Variants in LMOD1 observed in about 807,000 individuals in gnomAD.
LMOD1 encodes leiomodin 1.
LMOD1 carries 8 observed loss-of-function variants against 36.5 expected under a neutral mutation model. That is an observed-to-expected ratio of 0.22 (90% CI 0.13 to 0.40). The LOEUF (loss-of-function observed/expected upper bound fraction) is 0.40, where lower values mean the gene tolerates loss of function less well. LMOD1 is among the 10% of genes least tolerant of loss of function. LMOD1 has a pLI of 1.00. For missense variants in LMOD1, 630 were observed against 751.1 expected (o/e 0.84, Z 1.88); for synonymous variants, 284 against 288.7 (o/e 0.98, Z 0.17).
chr1:201,930,409 C>T (rs900234738), intron 1 of LMOD1, among the ~76,000 whole-genome samples: 2 of 152,076 alleles, frequency 1.3e-5, no homozygotes, highest in African/African-American at 4.8e-5. Flanking sequence ...GAGGCAGAAA[C>T]AACAGGATCC....
At position 201,933,595 on chromosome 1, in the gene LMOD1, T is replaced by TTATATATATATATATATATATA. The variant is rs71141426; in HGVS notation, c.261+12463_261+12484dup. 3.1e-3 allele frequency among the ~76,000 whole-genome samples: 196 copies of TTATATATATATATATATATATA among 63,034 alleles called. 2 individuals carry two copies. Among genetic ancestry groups the TTATATATATATATATATATATA allele is most frequent in the South Asian group, 0.011 (22 of 2,038 alleles). The allele number at this position is 63,034 out of a possible 152,430, so 41.4% of individuals were successfully genotyped here. On this transcript the variant is annotated intron_variant, in intron 1 of 2. Coordinates refer to ENST00000367288, the MANE Select transcript of LMOD1 (RefSeq NM_012134.3). ...TTATATATGTACACATATACATACA[T>TTATATATATATATATATATATA]TATATATATATATATATATATATAT...
At chr1:201,942,863 T>G (rs1383249897) in intron 1 of LMOD1, among the ~76,000 whole-genome samples, 1 of 152,066 alleles carries the variant, frequency 6.6e-6, no homozygotes, top group African/African-American at 2.4e-5. Context: ...GCCAATAAAT[T>G]TTTCCCATAA....
intron 1 of LMOD1, among the ~76,000 whole-genome samples, chr1:201,942,262 G>C (rs1171471703): frequency 6.6e-6 from 1 of 152,226 alleles, no homozygotes; most frequent in African/African-American, 2.4e-5. Flanking sequence ...AGTCCCACAA[G>C]CTGGTGAGTG....
intron 1 of LMOD1, among the ~76,000 whole-genome samples, chr1:201,934,290 T>A (rs935521271): frequency 6.6e-6 from 1 of 152,208 alleles, no homozygotes; most frequent in Non-Finnish European, 1.5e-5. Flanking sequence ...CAGACCAGCC[T>A]ATGGCTGCCA....
At chr1:201,930,995 T>C (rs1270284008) in intron 1 of LMOD1, among the ~76,000 whole-genome samples, 1 of 152,210 alleles carries the variant, frequency 6.6e-6, no homozygotes, top group Admixed American at 6.5e-5. Flanking sequence ...CTGATGTCTG[T>C]GCAGTGCGGG....
rs748373402 is a variant in LMOD1 at position 201,899,579 on chromosome 1, C to G, written c.1434G>C (p.Arg478=). 2.5e-6 allele frequency: 4 copies of G among 1,613,074 alleles called. No individual in the cohort carries two copies. In the Admixed American group the frequency reaches 6.7e-5, roughly 27 times the overall value. ...SRNMDKQRQK[R]LQEQRQAQEA... The stretch of plus-strand genomic sequence containing the variant: ...CCTGTGCCTGCCTTTGCTCCTGCAG[C>G]CGCTTTTGTCTCTGCTTGTCCATGT... The change falls in exon 2 of 3, where the codon CGG becomes CGC. Residue 478 remains arginine, a synonymous_variant. Coordinates refer to ENST00000367288, the MANE Select transcript of LMOD1 (RefSeq NM_012134.3). The surrounding 1 kb of genome is among the most constrained non-coding windows in gnomAD (Gnocchi z 6.3).
At chr1:201,901,074 G>A (rs1349046823) in intron 1 of LMOD1, among the ~76,000 whole-genome samples, 1 of 152,184 alleles carries the variant, frequency 6.6e-6, no homozygotes, top group Non-Finnish European at 1.5e-5. Context: ...GGGTGATTTA[G>A]AAGGACTGCT....
intron 1 of LMOD1, among the ~76,000 whole-genome samples, chr1:201,944,619 C>T (rs1331831436): frequency 6.6e-6 from 1 of 152,088 alleles, no homozygotes; most frequent in African/African-American, 2.4e-5. Context: ...ATAGCTGCAT[C>T]TGGGGCAACC....
At chr1:201,924,651 A>C (rs537688470) in intron 1 of LMOD1, among the ~76,000 whole-genome samples, 102 of 141,132 alleles carry the variant, frequency 7.2e-4, no homozygotes, top group Non-Finnish European at 1.2e-3. Flanking sequence ...AAAGAAAGAG[A>C]GAAAGAAAGA....
At chr1:201,924,691 AAGAAAG>A (rs1558240497) in intron 1 of LMOD1, among the ~76,000 whole-genome samples, 1 of 118,930 alleles carries the variant, frequency 8.4e-6, no homozygotes, top group Non-Finnish European at 1.8e-5. Flanking sequence ...GAAAGAAAGA[AAGAAAG>A]AAAGAAAGAA....
Position 201,938,999 on chromosome 1 carries a change from G to A in LMOD1, c.261+7081C>T, listed in dbSNP as rs150968666. On this transcript the variant is annotated intron_variant, in intron 1 of 2. Transcript: ENST00000367288. ...ACTCAGTTTGGGCCCCTGAGCCTGT[G>A]ACATAAAATAAATTAGGCAGAGGCT... is the stretch of plus-strand genomic sequence containing the variant. 6.9e-3 allele frequency among the ~76,000 whole-genome samples: 1,047 copies of A among 152,248 alleles called. 5 individuals carry two copies. The highest frequency in any genetic ancestry group is 0.011 in the Non-Finnish European group (736 of 68,020).
At chr1:201,901,551 T>TC (rs1681309680) in intron 1 of LMOD1, among the ~76,000 whole-genome samples, 1 of 44,656 alleles carries the variant, frequency 2.2e-5, no homozygotes, top group East Asian at 1.3e-3. Flanking sequence ...TATATATATA[T>TC]ACATATATAT....
At chr1:201,918,351 C>T (rs1681643719) in intron 1 of LMOD1, among the ~76,000 whole-genome samples, 1 of 152,230 alleles carries the variant, frequency 6.6e-6, no homozygotes, top group Non-Finnish European at 1.5e-5. Flanking sequence ...TCTTCCTTCT[C>T]TTTGAGTGCA....
chr1:201,921,904 G>C (rs1289523768), intron 1 of LMOD1, among the ~76,000 whole-genome samples: 1 of 151,826 alleles, frequency 6.6e-6, no homozygotes, highest in Non-Finnish European at 1.5e-5. Flanking sequence ...AGCTTGCAGT[G>C]AGCTGAGATC....
At position 201,946,276 on chromosome 1, in the gene LMOD1, T is replaced by A; in HGVS notation, c.65A>T (p.Glu22Val). 6.2e-7 allele frequency: 1 copy of A among 1,614,034 alleles called. No homozygotes were observed. Among genetic ancestry groups the A allele is most frequent in the Non-Finnish European group, 8.5e-7 (1 of 1,179,900 alleles). Residue 22 changes from glutamate (E) to valine (V), a missense_variant, in exon 1 of 3, where the codon GAG becomes GTG. Physicochemically the swap from Glu to Val is moderately radical, Grantham distance 121. Around this residue, in one of 3 missense-constraint regions of LMOD1, gnomAD observed 405 missense variants for 400.6 expected, o/e 1.01. Coordinates refer to ENST00000367288, the MANE Select transcript of LMOD1 (RefSeq NM_012134.3). ...CTCCATCTCCTCGGGAGACAGGGTCTCCAGCAGGCTGTCGATGTCGGGGTC... is the reference window on the plus strand; with the variant it reads ...CTCCATCTCCTCGGGAGACAGGGTCACCAGCAGGCTGTCGATGTCGGGGTC... Reference protein sequence around the residue: ...SEDPDIDSLLETLSPEEMEEL... With the variant: ...SEDPDIDSLLVTLSPEEMEEL...
In LMOD1 at chr1:201,899,265, C is replaced by T. The variant is rs377656704; in HGVS notation, c.1748G>A (p.Arg583His). The T allele has an allele frequency of 1.3e-6, 2 of 1,599,058 alleles. No individual in the cohort carries two copies. The highest frequency in any genetic ancestry group is 1.7e-5 in the Admixed American group (1 of 59,120). Residue 583 changes from arginine to histidine, a missense_variant, in exon 2 of 3, where the codon CGC becomes CAC. This residue lies in a region of LMOD1 where 144 missense variants were observed against 169.8 expected (regional missense o/e 0.85). Coordinates refer to ENST00000367288, the MANE Select transcript of LMOD1 (RefSeq NM_012134.3). The surrounding 1 kb of genome is among the most constrained non-coding windows in gnomAD (Gnocchi z 6.3). Reference sequence around the variant, plus strand: ...CTTGAGCTGCTTGAGGTTGCTGGAGCGGATGGCAGCCAATAGCTGGTCACG... The same window carrying T: ...CTTGAGCTGCTTGAGGTTGCTGGAGTGGATGGCAGCCAATAGCTGGTCACG... ...NSRDQLLAAI[R>H]SSNLKQLKKV... is the part of the protein sequence containing the mutation.
intron 1 of LMOD1, among the ~76,000 whole-genome samples, chr1:201,908,836 C>T (rs1558236340): frequency 6.6e-6 from 1 of 152,200 alleles, no homozygotes; most frequent in Non-Finnish European, 1.5e-5. Context: ...CCCACATGGC[C>T]CCAGCATGGC....
In LMOD1 at chr1:201,940,745, A is replaced by G. The variant is rs556568684; in HGVS notation, c.261+5335T>C. ...ACTACAGGCATGCACCACCACGCCCAGCATTTTTTTTTTTTTTTTTGAGAC... is the reference window on the plus strand; with the variant it reads ...ACTACAGGCATGCACCACCACGCCCGGCATTTTTTTTTTTTTTTTTGAGAC... On this transcript the variant is annotated intron_variant, in intron 1 of 2. Coordinates refer to ENST00000367288, the MANE Select transcript of LMOD1 (RefSeq NM_012134.3). Among the ~76,000 whole-genome samples, 601 of 128,700 alleles carry G rather than the reference A, an allele frequency of 4.7e-3. 7 individuals carry two copies. Among genetic ancestry groups the G allele is most frequent in the African/African-American group, 0.016 (577 of 35,378 alleles). The allele number at this position is 128,700 out of a possible 152,430, so 84.4% of individuals were successfully genotyped here.
chr1:201,944,399 G>C (rs1426435962), intron 1 of LMOD1, among the ~76,000 whole-genome samples: 1 of 152,194 alleles, frequency 6.6e-6, no homozygotes, highest in East Asian at 1.9e-4. Flanking sequence ...TCTGAGCACT[G>C]GAAGCTACCG....
Sources: allele counts gnomAD v4.1 joint callset (sites outside exome capture counted in the v4.1 genomes callset), GRCh38; gene constraint gnomAD v4.1.1; regional missense constraint gnomAD v4.1.1; non-coding constraint Gnocchi (gnomAD v3.1); transcripts MANE v1.5; gene names NCBI Gene and HGNC (gene_info 2026-07-23, HGNC 2026-07-21).